The following SCHIP1 variants were observed in gnomAD, a reference collection of about 807,000 sequenced individuals.
SCHIP1 encodes schwannomin-interacting protein 1.
Under a neutral mutation model 29.7 loss-of-function variants are expected in SCHIP1, and 8 were observed. The ratio of observed to expected loss-of-function variants is 0.27; its 90% CI spans 0.16 to 0.49. The LOEUF (loss-of-function observed/expected upper bound fraction) is 0.49, where lower values mean the gene tolerates loss of function less well. SCHIP1 is among the 20% of genes least tolerant of loss of function. SCHIP1 has a pLI of 0.99. For synonymous variants in SCHIP1, 76 were observed against 94.9 expected (o/e 0.80, Z 1.16); for missense variants, 193 against 294.6 (o/e 0.66, Z 2.52).
the SCHIP1 span, among the ~76,000 whole-genome samples, chr3:159,508,091 T>C: frequency 2.6e-5 from 4 of 152,238 alleles, no homozygotes; most frequent in African/African-American, 9.6e-5. Flanking sequence ...TGAATCCGTC[T>C]GGTCCTGGAC....
the SCHIP1 span, among the ~76,000 whole-genome samples, chr3:159,661,463 C>T: frequency 6.6e-6 from 1 of 152,110 alleles, no homozygotes; most frequent in Non-Finnish European, 1.5e-5. Flanking sequence ...GCTATCTTAC[C>T]CTCACAATGT....
chr3:159,607,258 A>T, the SCHIP1 span, among the ~76,000 whole-genome samples: 1 of 152,208 alleles, frequency 6.6e-6, no homozygotes, highest in Non-Finnish European at 1.5e-5. Flanking sequence ...TTAGTCATTC[A>T]GTTCCAATAA....
At chr3:159,495,044 C>G in the SCHIP1 span, among the ~76,000 whole-genome samples, 4 of 152,142 alleles carry the variant, frequency 2.6e-5, no homozygotes, top group Non-Finnish European at 2.9e-5. Context: ...AGGCCTTTGA[C>G]AAAATTCAAC....
chr3:159,403,081 G>A, the SCHIP1 span, among the ~76,000 whole-genome samples: 3 of 152,154 alleles, frequency 2.0e-5, no homozygotes, highest in Admixed American at 6.5e-5. Context: ...ACTGACAAAA[G>A]CTCATTTACA....
chr3:159,815,660 C>A, the SCHIP1 span, among the ~76,000 whole-genome samples: 1 of 152,112 alleles, frequency 6.6e-6, no homozygotes, highest in African/African-American at 2.4e-5. Flanking sequence ...ATTATTTAAA[C>A]CCTCTCAAGT....
the SCHIP1 span, among the ~76,000 whole-genome samples, chr3:159,583,459 AAGG>A: frequency 6.6e-6 from 1 of 152,190 alleles, no homozygotes; most frequent in African/African-American, 2.4e-5. Context: ...TTATTTTGAC[AAGG>A]AGAATATCCG....
chr3:159,652,085 C>T, the SCHIP1 span, among the ~76,000 whole-genome samples: 4,921 of 151,230 alleles, frequency 0.033, 165 homozygotes, highest in East Asian at 0.17. Flanking sequence ...GAGTGATTGA[C>T]AGAGTGAGAC....
chr3:159,406,809 T>C, the SCHIP1 span, among the ~76,000 whole-genome samples: 1 of 152,228 alleles, frequency 6.6e-6, no homozygotes, highest in African/African-American at 2.4e-5. Flanking sequence ...GTTTACGCAG[T>C]GTTAAGCTGT....
chr3:159,432,955 C>A, the SCHIP1 span, among the ~76,000 whole-genome samples: 1 of 152,164 alleles, frequency 6.6e-6, no homozygotes, highest in Non-Finnish European at 1.5e-5. Flanking sequence ...CCTCCCTTGT[C>A]CAGCTGCTTA....
At chr3:159,721,820 A>G in the SCHIP1 span, 1 of 403,806 alleles carries the variant, frequency 2.5e-6, no homozygotes, top group East Asian at 6.5e-5. Flanking sequence ...TGGAAATGAT[A>G]TTATTTTTTA....
chr3:159,288,715 C>T, the SCHIP1 span, among the ~76,000 whole-genome samples: 4 of 152,072 alleles, frequency 2.6e-5, no homozygotes, highest in South Asian at 2.1e-4. Context: ...GCAACAAGAG[C>T]GAAACTCGGT....
chr3:159,822,804 T>C, the SCHIP1 span, among the ~76,000 whole-genome samples: 1 of 151,206 alleles, frequency 6.6e-6, no homozygotes, highest in Admixed American at 6.6e-5. Context: ...GTATCAGCAG[T>C]CTGCAGGTAG....
At chr3:159,641,582 G>T in the SCHIP1 span, among the ~76,000 whole-genome samples, 19,756 of 152,038 alleles carry the variant, frequency 0.13, 3,480 homozygotes, top group African/African-American at 0.4. Context: ...ACTGAGAAAT[G>T]ACACTCAAAT....
the SCHIP1 span, among the ~76,000 whole-genome samples, chr3:159,523,633 G>A: frequency 1.8e-3 from 275 of 152,138 alleles, 1 homozygote; most frequent in Admixed American, 4.0e-3. Flanking sequence ...GTGATTACTC[G>A]TTCATGCATG....
the SCHIP1 span, among the ~76,000 whole-genome samples, chr3:159,349,843 T>C: frequency 1.3e-5 from 2 of 152,152 alleles, no homozygotes; most frequent in Non-Finnish European, 2.9e-5. Context: ...TTCCTTCCAG[T>C]TTGAACTTTC....
At chr3:159,895,754 G>A (rs1441660295) in intron 6 of SCHIP1, among the ~76,000 whole-genome samples, 2 of 152,168 alleles carry the variant, frequency 1.3e-5, no homozygotes, top group South Asian at 2.1e-4. Context: ...GGAGTGCAAT[G>A]GCATGATCTT....
chr3:159,350,335 T>G, the SCHIP1 span, among the ~76,000 whole-genome samples: 1 of 152,214 alleles, frequency 6.6e-6, no homozygotes, highest in Admixed American at 6.5e-5. Flanking sequence ...AATTCTTGGT[T>G]ATTTAAATGA....
intron 2 of SCHIP1, among the ~76,000 whole-genome samples, chr3:159,869,040 T>C (rs1714952550): frequency 6.6e-6 from 1 of 152,074 alleles, no homozygotes; most frequent in African/African-American, 2.4e-5. Flanking sequence ...GTATTTGTTT[T>C]CTCTTCTGTG....
the SCHIP1 span, among the ~76,000 whole-genome samples, chr3:159,518,620 C>T: frequency 6.6e-6 from 1 of 152,032 alleles, no homozygotes; most frequent in Non-Finnish European, 1.5e-5. Flanking sequence ...TCATTAAGGA[C>T]ACTTTCTCAG....
Sources: gnomAD v4.1 joint callset for allele counts (sites outside exome capture counted in the v4.1 genomes callset) on GRCh38, gnomAD v4.1.1 for gene constraint, MANE v1.5 for transcripts, NCBI Gene and HGNC (gene_info 2026-07-23, HGNC 2026-07-21) for gene names.